The following LGSN variants were observed in gnomAD, a reference collection of about 807,000 sequenced individuals.
LGSN encodes the protein lengsin.
In LGSN, 21 loss-of-function variants were observed where a neutral mutation model predicts 19.5. The ratio of observed to expected loss-of-function variants is 1.07; its 90% confidence interval spans 0.76 to 1.55. LGSN has a LOEUF of 1.55. LGSN is among the 40% of genes most tolerant of loss of function. LGSN has a pLI of 0.00. For missense variants in LGSN, 673 were observed against 608.5 expected (o/e 1.11, Z -1.12); for synonymous variants, 257 against 215.6 (o/e 1.19, Z -1.68).
chr6:63,489,120 T>C, the LGSN span, among the ~76,000 whole-genome samples: 1 of 152,224 alleles, frequency 6.6e-6, no homozygotes, highest in Non-Finnish European at 1.5e-5. Flanking sequence ...TTGTATTCTT[T>C]TTAAAATATA....
intron 2 of LGSN, among the ~76,000 whole-genome samples, chr6:63,288,363 C>T (rs1033793905): frequency 6.6e-6 from 1 of 151,656 alleles, no homozygotes; most frequent in Non-Finnish European, 1.5e-5. Context: ...AGAAAGAGCC[C>T]TACCCTCATA....
At chr6:63,388,447 T>C in the LGSN span, among the ~76,000 whole-genome samples, 4,333 of 152,146 alleles carry the variant, frequency 0.028, 84 homozygotes, top group Non-Finnish European at 0.045. Context: ...AGGAGGTAAC[T>C]AAGTTAAAAT....
chr6:63,398,060 T>C, the LGSN span, among the ~76,000 whole-genome samples: 2 of 152,080 alleles, frequency 1.3e-5, no homozygotes, highest in Non-Finnish European at 2.9e-5. Context: ...GATACTGGTG[T>C]GAACAAACCT....
the LGSN span, among the ~76,000 whole-genome samples, chr6:63,405,203 CATT>C: frequency 6.6e-6 from 1 of 151,556 alleles, no homozygotes; most frequent in Non-Finnish European, 1.5e-5. Flanking sequence ...TCCAGTCTAT[CATT>C]GTTGGACATT....
At chr6:63,532,079 G>C in the LGSN span, among the ~76,000 whole-genome samples, 2 of 152,106 alleles carry the variant, frequency 1.3e-5, no homozygotes, top group African/African-American at 4.8e-5. Context: ...GATTACAGGC[G>C]TGAGCCACCA....
At position 63,277,588 on chromosome 6, in the gene LGSN, C is replaced by T. The variant is rs552137520; in HGVS notation, c.*2433G>A. The T allele has an allele frequency of 6.6e-6, 1 of 152,190 alleles. No individual in the cohort carries two copies. The highest frequency in any genetic ancestry group is 1.5e-5 in the Non-Finnish European group (1 of 68,036). The allele number at this position is 152,190 out of a possible 1,614,324, so 9.4% of individuals were successfully genotyped here. On this transcript the variant is annotated 3_prime_UTR_variant, in exon 4 of 4. Transcript: ENST00000370657. ...TTAAAGAAGATAGAAGTTTGGTTCT[C>T]TCTCAGGTAAACATCTGGATGTAGG...
the LGSN span, among the ~76,000 whole-genome samples, chr6:63,541,018 GAATGAAGA>G: frequency 5.9e-3 from 714 of 120,240 alleles, 3 homozygotes; most frequent in African/African-American, 0.01. Context: ...AGGAAGGAGG[GAATGAAGA>G]AAGGAAGGAA....
At chr6:63,562,360 C>G in the LGSN span, among the ~76,000 whole-genome samples, 2 of 151,944 alleles carry the variant, frequency 1.3e-5, no homozygotes, top group African/African-American at 4.8e-5. Context: ...CCACCACACC[C>G]AGCTAATTTT....
the LGSN span, among the ~76,000 whole-genome samples, chr6:63,384,489 T>TTGTGTGTGTGTGTGTG: frequency 8.4e-5 from 11 of 131,504 alleles, no homozygotes; most frequent in East Asian, 2.3e-4. Flanking sequence ...AAATAACACC[T>TTGTGTGTGTGTGTGTG]TGTGTGTGTG....
the LGSN span, among the ~76,000 whole-genome samples, chr6:63,514,958 C>T: frequency 6.6e-6 from 1 of 152,036 alleles, no homozygotes; most frequent in African/African-American, 2.4e-5. Flanking sequence ...CCTACCTTGA[C>T]CTCCCAAAGT....
chr6:63,550,301 G>C, the LGSN span: 1 of 152,154 alleles, frequency 6.6e-6, no homozygotes, highest in South Asian at 2.1e-4. Context: ...ATCAACCAGG[G>C]CAGTGTGCCC....
the LGSN span, among the ~76,000 whole-genome samples, chr6:63,541,560 T>G: frequency 6.6e-6 from 1 of 151,964 alleles, no homozygotes; most frequent in Non-Finnish European, 1.5e-5. Flanking sequence ...ACAATTTAAG[T>G]CTGAAAGGAA....
chr6:63,554,520 G>C, the LGSN span, among the ~76,000 whole-genome samples: 3 of 152,100 alleles, frequency 2.0e-5, no homozygotes, highest in Non-Finnish European at 2.9e-5. Context: ...AATTTAGGCC[G>C]GGCACGGTGG....
At chr6:63,365,024 A>G in the LGSN span, among the ~76,000 whole-genome samples, 2 of 152,218 alleles carry the variant, frequency 1.3e-5, no homozygotes, top group African/African-American at 4.8e-5. Flanking sequence ...CAATTAAAAG[A>G]ACTAGAGAAG....
At chr6:63,356,403 G>A in the LGSN span, among the ~76,000 whole-genome samples, 2 of 152,044 alleles carry the variant, frequency 1.3e-5, no homozygotes, top group Admixed American at 6.6e-5. Context: ...TTAGCTGGGT[G>A]TGGTGGCTCG....
the LGSN span, chr6:63,441,868 A>T: frequency 3.6e-6 from 1 of 281,116 alleles, no homozygotes; most frequent in Non-Finnish European, 6.9e-6. Context: ...TGACACAGCT[A>T]CAGCAGCTGC....
the LGSN span, among the ~76,000 whole-genome samples, chr6:63,384,954 A>G: frequency 1.3e-5 from 2 of 152,354 alleles, no homozygotes; most frequent in African/African-American, 4.8e-5. Context: ...CAGAGGAAAG[A>G]CTATGTGGGG....
the LGSN span, among the ~76,000 whole-genome samples, chr6:63,412,489 A>G: frequency 4.5e-5 from 4 of 88,634 alleles, no homozygotes; most frequent in African/African-American, 1.8e-4. Flanking sequence ...AAGAGAAGAA[A>G]GAAAGAAAGA....
chr6:63,534,916 T>G, the LGSN span, among the ~76,000 whole-genome samples: 1 of 151,776 alleles, frequency 6.6e-6, no homozygotes, highest in South Asian at 2.1e-4. Flanking sequence ...AAAAACTAGC[T>G]GGGTGTGGTG....
Sources: allele counts gnomAD v4.1 joint callset (sites outside exome capture counted in the v4.1 genomes callset), GRCh38; gene constraint gnomAD v4.1.1; transcripts MANE v1.5; gene names NCBI Gene and HGNC (gene_info 2026-07-23, HGNC 2026-07-21).